Variants in C10orf88 observed in about 807,000 individuals in gnomAD.
C10orf88 encodes chromosome 10 open reading frame 88.
In C10orf88, 29 loss-of-function variants were observed where a neutral mutation model predicts 34.2. That is an observed-to-expected ratio of 0.85 (90% CI 0.63 to 1.16). The LOEUF (loss-of-function observed/expected upper bound fraction) is 1.16, where lower values mean the gene tolerates loss of function less well. C10orf88 is among the 50% of genes most tolerant of loss of function. C10orf88 has a pLI of 0.00. For synonymous variants in C10orf88, 194 were observed against 197.4 expected (o/e 0.98, Z 0.15); for missense variants, 507 against 533.2 (o/e 0.95, Z 0.48).
At chr10:122,953,071 TCTCTGAACATGA>T (rs747457442) in intron 1 of C10orf88, 39 bp from the exon 2 acceptor site, 1 of 1,481,204 alleles carries the variant, frequency 6.8e-7, no homozygotes. Flanking sequence ...ACAGTATAGT[TCTCTGAACATGA>T]CTCTTCTTTT....
chr10:122,937,249 A>C (rs1848542054), intron 5 of C10orf88, among the ~76,000 whole-genome samples: 1 of 152,046 alleles, frequency 6.6e-6, no homozygotes, highest in Non-Finnish European at 1.5e-5. Context: ...TAGCTTGTAA[A>C]CTACAAGTGA....
At chr10:122,943,824 G>A (rs554124884) in intron 4 of C10orf88, among the ~76,000 whole-genome samples, 2 of 152,302 alleles carry the variant, frequency 1.3e-5, no homozygotes, top group African/African-American at 4.8e-5. Flanking sequence ...ACCACAATGA[G>A]ATACCATTTC....
chr10:122,935,916 G>A (rs1297311745), intron 5 of C10orf88, among the ~76,000 whole-genome samples: 1 of 151,066 alleles, frequency 6.6e-6, no homozygotes, highest in Non-Finnish European at 1.5e-5. Context: ...ATATTTACAT[G>A]CATTTTTGTG....
intron 4 of C10orf88, among the ~76,000 whole-genome samples, chr10:122,939,232 C>T (rs1350368257): frequency 6.6e-6 from 1 of 151,298 alleles, no homozygotes; most frequent in Non-Finnish European, 1.5e-5. Flanking sequence ...CCTGACCTCA[C>T]AGAGCCTATA....
chr10:122,932,353 A>G lies in C10orf88; in HGVS notation c.*74T>C, dbSNP rs1848490890. ...AAAGGACATTAAATACTTGCTTTTTATAAATATTTTTGGGTTTTGGCTTTG... is the reference window on the plus strand; with the variant it reads ...AAAGGACATTAAATACTTGCTTTTTGTAAATATTTTTGGGTTTTGGCTTTG... On this transcript the variant is annotated 3_prime_UTR_variant, in exon 6 of 6. Coordinates refer to ENST00000481909, the MANE Select transcript of C10orf88 (RefSeq NM_024942.4). The G allele has an allele frequency of 8.0e-7, 1 of 1,247,370 alleles. No homozygotes were observed. The highest frequency in any genetic ancestry group is 2.5e-5 in the East Asian group (1 of 40,448). The allele number at this position is 1,247,370 out of a possible 1,614,324, so 77.3% of individuals were successfully genotyped here.
chr10:122,931,367 G>T lies in C10orf88; in HGVS notation c.*1060C>A, dbSNP rs1848483596. Reference sequence around the variant, plus strand: ...GGTAAAAATTCAGCTATGTCACGCAGGAATTACATCAGGTAACATTTTTAA... The same window carrying T: ...GGTAAAAATTCAGCTATGTCACGCATGAATTACATCAGGTAACATTTTTAA... On this transcript the variant is annotated 3_prime_UTR_variant, in exon 6 of 6. Coordinates refer to ENST00000481909, the MANE Select transcript of C10orf88 (RefSeq NM_024942.4). The T allele has an allele frequency of 1.3e-5, 2 of 151,886 alleles. No homozygotes were observed. The highest frequency in any genetic ancestry group is 1.3e-4 in the Admixed American group (2 of 15,260). 9.4% of individuals were successfully genotyped at this position (151,886 alleles called of 1,614,324 possible).
chr10:122,943,917 A>G (rs1035584115), intron 4 of C10orf88, among the ~76,000 whole-genome samples: 1 of 152,084 alleles, frequency 6.6e-6, no homozygotes, highest in African/African-American at 2.4e-5. Context: ...ACACTTTTAC[A>G]CTGTTGGTGG....
At chr10:122,935,723 G>A (rs1377441792) in intron 5 of C10orf88, among the ~76,000 whole-genome samples, 4 of 151,840 alleles carry the variant, frequency 2.6e-5, no homozygotes, top group East Asian at 3.9e-4. Context: ...GAGAATTGAC[G>A]TTTTTACTAT....
chr10:122,934,350 G>T (rs990526443), intron 5 of C10orf88, among the ~76,000 whole-genome samples: 2 of 151,984 alleles, frequency 1.3e-5, no homozygotes, highest in African/African-American at 4.8e-5. Flanking sequence ...CTCCCCTAAA[G>T]TCTTCTTTCC....
intron 4 of C10orf88, among the ~76,000 whole-genome samples, chr10:122,943,654 C>T (rs1222926229): frequency 6.6e-6 from 1 of 152,020 alleles, no homozygotes; most frequent in Non-Finnish European, 1.5e-5. Context: ...CCAGAATCTG[C>T]AATGAACTCA....
chr10:122,950,438 G>C (rs989973445), intron 3 of C10orf88, among the ~76,000 whole-genome samples: 2 of 152,126 alleles, frequency 1.3e-5, no homozygotes, highest in Non-Finnish European at 2.9e-5. Context: ...TTCACCTTCA[G>C]AGAGACACAC....
chr10:122,933,209 G>A (rs774139996), intron 5 of C10orf88, among the ~76,000 whole-genome samples: 13 of 152,132 alleles, frequency 8.5e-5, no homozygotes, highest in African/African-American at 1.4e-4. Flanking sequence ...GGGCAGGCAC[G>A]GTGGCTCACG....
chr10:122,938,193 A>ACATT, intron 4 of C10orf88, 34 bp from the exon 5 acceptor site: 2 of 1,494,584 alleles, frequency 1.3e-6, no homozygotes, highest in Non-Finnish European at 1.8e-6. Flanking sequence ...GTTAATATTA[A>ACATT]TAACACTGAC....
rs142693360 is a variant in C10orf88, at chr10:122,932,497, T to G, written c.1268A>C (p.Asn423Thr). ...ALLLDLLQNP[N>T]SPPTGIPLRH... is the part of the protein sequence containing the mutation. ...TAGAGGTATCCCAGTGGGCGGGGAG[T>G]TAGGATTTTGCAGCAAATCCAGTAA... The change falls in exon 6 of 6, where the codon AAC becomes ACC. Residue 423 changes from asparagine to threonine, a missense_variant. Physicochemically the swap from Asn to Thr is moderately conservative, Grantham distance 65. Transcript: ENST00000481909. The G allele has an allele frequency of 3.1e-6, 5 of 1,613,834 alleles. No homozygotes were observed. The highest frequency in any genetic ancestry group is 4.2e-6 in the Non-Finnish European group (5 of 1,179,990).
At chr10:122,939,592 GAA>G (rs1229279080) in intron 4 of C10orf88, among the ~76,000 whole-genome samples, 3 of 151,734 alleles carry the variant, frequency 2.0e-5, no homozygotes, top group Admixed American at 6.6e-5. Flanking sequence ...TGCAAGTTTT[GAA>G]TAAACTTGAA....
chr10:122,951,779 A>G (rs1225937055), intron 3 of C10orf88, among the ~76,000 whole-genome samples, 175 bp downstream of exon 3: 1 of 151,974 alleles, frequency 6.6e-6, no homozygotes, highest in African/African-American at 2.4e-5. Flanking sequence ...GCAGTGAGCC[A>G]TGATTGTCCC....
At chr10:122,939,429 T>C (rs1848564504) in intron 4 of C10orf88, among the ~76,000 whole-genome samples, 1 of 151,372 alleles carries the variant, frequency 6.6e-6, no homozygotes, top group African/African-American at 2.4e-5. Context: ...TAGGGAAAAA[T>C]AAAGTGAGAA....
chr10:122,943,577 G>A (rs1384680938), intron 4 of C10orf88, among the ~76,000 whole-genome samples: 2 of 152,042 alleles, frequency 1.3e-5, no homozygotes, highest in Non-Finnish European at 2.9e-5. Flanking sequence ...TACCATCAGA[G>A]TGAACAGGCA....
intron 4 of C10orf88, 99 bp from the exon 5 acceptor site, chr10:122,938,258 A>G: frequency 9.9e-7 from 1 of 1,008,532 alleles, no homozygotes. Flanking sequence ...GTTTCATCCA[A>G]TCCTCAAAAC....
Sources: allele counts gnomAD v4.1 joint callset (sites outside exome capture counted in the v4.1 genomes callset), GRCh38; gene constraint gnomAD v4.1.1; transcripts MANE v1.5; gene names NCBI Gene and HGNC (gene_info 2026-07-23, HGNC 2026-07-21).